ARHGAP32: variants seen among roughly 807,000 people sequenced by gnomAD.
ARHGAP32 encodes rho GTPase-activating protein 32.
In ARHGAP32, 51 loss-of-function variants were observed where a neutral mutation model predicts 186.5. That is an observed-to-expected ratio of 0.27 (90% confidence interval 0.22 to 0.35). ARHGAP32 has a LOEUF of 0.35. Among genes scored for constraint, ARHGAP32 ranks in the 10% least tolerant of loss-of-function variants. The pLI is 1.00. For missense variants in ARHGAP32, 2,186 were observed against 2,623.5 expected, an observed-to-expected ratio of 0.83 and a Z score of 3.64; for synonymous variants, 950 against 964.3, an observed-to-expected ratio of 0.99 and a Z score of 0.27.
chr11:128,998,607 A>G (rs956060773), intron 11 of ARHGAP32, 139 bp from the exon 12 acceptor site: 124 of 561,396 alleles, frequency 2.2e-4, no homozygotes, highest in Non-Finnish European at 2.8e-4. Flanking sequence ...GGAAAATGTC[A>G]GTACAAGTTT....
chr11:128,983,508 G>C (rs1369519623), intron 15 of ARHGAP32, among the ~76,000 whole-genome samples: 2 of 151,450 alleles, frequency 1.3e-5, no homozygotes, highest in African/African-American at 2.4e-5. Context: ...GTGGGGGGAA[G>C]GGGGAGGGAT....
At chr11:129,013,071 C>T (rs1050645408) in intron 11 of ARHGAP32, among the ~76,000 whole-genome samples, 4 of 152,260 alleles carry the variant, frequency 2.6e-5, no homozygotes, top group East Asian at 1.9e-4. Flanking sequence ...AACAAGGAAA[C>T]GTGGCTATCT....
intron 2 of ARHGAP32, among the ~76,000 whole-genome samples, chr11:129,139,259 A>C (rs1395876363): frequency 6.6e-6 from 1 of 152,212 alleles, no homozygotes; most frequent in Non-Finnish European, 1.5e-5. Flanking sequence ...CTAAATGAAA[A>C]ATATATAACA....
intron 12 of ARHGAP32, among the ~76,000 whole-genome samples, chr11:128,988,440 AT>A (rs1398120472): frequency 2.6e-5 from 4 of 152,230 alleles, no homozygotes; most frequent in Admixed American, 2.0e-4. Flanking sequence ...ACAGTTACAC[AT>A]TACAGCAAAG....
At chr11:129,005,872 T>G (rs1324825551) in intron 11 of ARHGAP32, among the ~76,000 whole-genome samples, 1 of 152,180 alleles carries the variant, frequency 6.6e-6, no homozygotes, top group Non-Finnish European at 1.5e-5. Flanking sequence ...TTAAGGCCAG[T>G]AACTTAGATA....
At chr11:129,271,991 G>A (rs1945479121) in intron 1 of ARHGAP32, among the ~76,000 whole-genome samples, 1 of 152,178 alleles carries the variant, frequency 6.6e-6, no homozygotes, top group Non-Finnish European at 1.5e-5. Flanking sequence ...AGACTTGGGG[G>A]AGAGAGAGGA....
At position 129,095,242 on chromosome 11, in the gene ARHGAP32, C is replaced by A. The variant is rs761758466; in HGVS notation, c.445-1535G>T. Among the ~76,000 whole-genome samples, 68 of 152,236 alleles carry A rather than the reference C, an allele frequency of 4.5e-4. No homozygotes were observed. In the Middle Eastern group the frequency reaches 0.031, roughly 69 times the overall value. ...ACACTTTCATGAGACAGAAGTGACT[C>A]AAAGATGTGCTTGGACGCCTGGCAG... On this transcript the variant is annotated intron_variant, in intron 5 of 22. Coordinates refer to ENST00000682385, the MANE Select transcript of ARHGAP32 (RefSeq NM_001378024.1).
intron 1 of ARHGAP32, among the ~76,000 whole-genome samples, chr11:129,178,083 C>G (rs1359597603): frequency 6.7e-6 from 1 of 150,208 alleles, no homozygotes; most frequent in African/African-American, 2.4e-5. Context: ...TGATAAGCAA[C>G]TTCAGCAAAG....
chr11:129,222,361 C>T (rs1227768069), intron 1 of ARHGAP32, among the ~76,000 whole-genome samples: 1 of 152,090 alleles, frequency 6.6e-6, no homozygotes, highest in Non-Finnish European at 1.5e-5. Flanking sequence ...GGTTAAGCAA[C>T]TTTCCCAAGG....
intron 15 of ARHGAP32, 40 bp downstream of exon 15, chr11:128,985,963 G>A (rs764382059): frequency 1.6e-5 from 24 of 1,499,198 alleles, no homozygotes; most frequent in Middle Eastern, 3.5e-4. Flanking sequence ...CAGGTCAACC[G>A]ACTTCTACCT....
intron 11 of ARHGAP32, among the ~76,000 whole-genome samples, chr11:129,031,355 T>G (rs1939106723): frequency 2.0e-5 from 3 of 152,194 alleles, no homozygotes; most frequent in African/African-American, 7.2e-5. Context: ...ACTTTTCAGT[T>G]ATGGAAATTG....
chr11:129,042,198 T>C (rs1356600531), intron 10 of ARHGAP32, among the ~76,000 whole-genome samples: 2 of 152,188 alleles, frequency 1.3e-5, no homozygotes, highest in African/African-American at 4.8e-5. Context: ...TCACCCAGGC[T>C]GGAGTGCAGT....
chr11:129,171,514 T>C (rs553166270), intron 1 of ARHGAP32, among the ~76,000 whole-genome samples: 5 of 152,244 alleles, frequency 3.3e-5, no homozygotes, highest in Non-Finnish European at 7.3e-5. Flanking sequence ...GTCTCTGTTC[T>C]GCTCCATTGG....
chr11:129,185,592 A>C (rs575835258), intron 1 of ARHGAP32, among the ~76,000 whole-genome samples: 1 of 152,196 alleles, frequency 6.6e-6, no homozygotes, highest in Non-Finnish European at 1.5e-5. Context: ...CCTAAAACTT[A>C]AAGTATAATA....
At chr11:129,073,668 T>G (rs1940941335) in intron 6 of ARHGAP32, among the ~76,000 whole-genome samples, 2 of 150,844 alleles carry the variant, frequency 1.3e-5, no homozygotes, top group African/African-American at 4.9e-5. Flanking sequence ...AACCAATATT[T>G]CTAGCAATAA....
At chr11:129,169,492 G>T (rs112390982) in intron 1 of ARHGAP32, among the ~76,000 whole-genome samples, 1 of 151,848 alleles carries the variant, frequency 6.6e-6, no homozygotes, top group African/African-American at 2.4e-5. Context: ...TTAGCTGGGC[G>T]TGGTGGCGGG....
At chr11:129,131,094 T>C (rs987416725) in intron 2 of ARHGAP32, among the ~76,000 whole-genome samples, 9 of 152,134 alleles carry the variant, frequency 5.9e-5, no homozygotes, top group African/African-American at 1.7e-4. Flanking sequence ...AATCTTGCTG[T>C]CTTATTACAT....
chr11:128,982,550 A>G lies in ARHGAP32; in HGVS notation c.1527-614T>C, dbSNP rs533674920. On this transcript the variant is annotated intron_variant, in intron 15 of 22. Coordinates refer to ENST00000682385, the MANE Select transcript of ARHGAP32 (RefSeq NM_001378024.1). ...ACAGAGGTATTATCTATCACCTAGCATGTCTCAAAGCGTCCTACCTAATAG... is the reference window on the plus strand; with the variant it reads ...ACAGAGGTATTATCTATCACCTAGCGTGTCTCAAAGCGTCCTACCTAATAG... Among the ~76,000 whole-genome samples, 401 of 151,696 alleles carry G rather than the reference A, an allele frequency of 2.6e-3. 1 individual carries two copies. Among genetic ancestry groups the G allele is most frequent in the South Asian group, 1.0e-2 (48 of 4,802 alleles).
At chr11:129,090,011 C>G (rs10790989) in intron 6 of ARHGAP32, among the ~76,000 whole-genome samples, 23,062 of 152,098 alleles carry the variant, frequency 0.15, 2,271 homozygotes, top group Non-Finnish European at 0.21. Flanking sequence ...CTGGCCCTAT[C>G]CTAAATACAG....
Sources: allele counts gnomAD v4.1 joint callset (sites outside exome capture counted in the v4.1 genomes callset), GRCh38; gene constraint gnomAD v4.1.1; transcripts MANE v1.5; gene names NCBI Gene and HGNC (gene_info 2026-07-23, HGNC 2026-07-21).